The following HMGCLL1 variants were observed in gnomAD, a reference collection of about 807,000 sequenced individuals.
HMGCLL1 encodes the protein 3-hydroxy-3-methylglutaryl-CoA lyase like 1.
In HMGCLL1, 36 loss-of-function variants were observed where a neutral mutation model predicts 39.1. The observed-to-expected ratio is 0.92, with a 90% CI of 0.71 to 1.22. The LOEUF is 1.22. HMGCLL1 is among the 50% of genes most tolerant of loss of function. The pLI, the probability that HMGCLL1 is intolerant of heterozygous loss-of-function variation, is 0.00. For missense variants in HMGCLL1, 451 were observed against 416.5 expected (o/e 1.08, Z -0.72); for synonymous variants, 149 against 144.0 (o/e 1.03, Z -0.25).
chr6:55,525,079 T>C (rs1407009887), intron 3 of HMGCLL1, among the ~76,000 whole-genome samples: 1 of 151,754 alleles, frequency 6.6e-6, no homozygotes, highest in African/African-American at 2.4e-5. Context: ...CCCCAGCAAC[T>C]TCCATGACCT....
At chr6:55,479,186 C>A (rs1317855194) in intron 7 of HMGCLL1, among the ~76,000 whole-genome samples, 1 of 151,488 alleles carries the variant, frequency 6.6e-6, no homozygotes, top group Non-Finnish European at 1.5e-5. Flanking sequence ...ATACAAGGAC[C>A]ATTTACCATA....
rs535917702 is a variant in HMGCLL1 at position 55,435,533 on chromosome 6, A to G, written c.*129T>C. On this transcript the variant is annotated 3_prime_UTR_variant, in exon 9 of 9. Transcript: ENST00000274901. The stretch of plus-strand genomic sequence containing the variant: ...AATCTATCCAGTTATAATCTTTTTG[A>G]AAAGGATCTCTTTTTTCCCACTCTT... 3 of 473,010 alleles carry G rather than the reference A, an allele frequency of 6.3e-6. No homozygotes were observed. In the East Asian group the frequency reaches 9.4e-5, roughly 15 times the overall value. 29.3% of individuals were successfully genotyped at this position (473,010 alleles called of 1,614,324 possible). A position where few individuals can be genotyped will look rare whatever the true frequency, so the allele number is the denominator to read the frequency against.
At chr6:55,475,345 C>T (rs1052529172) in intron 7 of HMGCLL1, among the ~76,000 whole-genome samples, 4 of 151,572 alleles carry the variant, frequency 2.6e-5, no homozygotes, top group Admixed American at 6.6e-5. Flanking sequence ...ATTAGCGACC[C>T]CCTTAAAACT....
chr6:55,512,388 T>G (rs1169627456), intron 5 of HMGCLL1: 9 of 152,126 alleles, frequency 5.9e-5, no homozygotes, highest in Admixed American at 5.9e-4. Context: ...ATATTCGAAT[T>G]GAGAAACCAA....
intron 7 of HMGCLL1, among the ~76,000 whole-genome samples, chr6:55,471,822 C>A (rs1198481215): frequency 6.6e-6 from 1 of 151,618 alleles, no homozygotes; most frequent in African/African-American, 2.4e-5. Flanking sequence ...TGTTCTCATG[C>A]TGCTCTCACA....
At chr6:55,583,029 G>A (rs1269212763), upstream of HMGCLL1, among the ~76,000 whole-genome samples, 1 of 151,982 alleles carries the variant, frequency 6.6e-6, no homozygotes, top group African/African-American at 2.4e-5. Context: ...TGCCAAAACA[G>A]CATGACGGTG....
the HMGCLL1 span, among the ~76,000 whole-genome samples, chr6:55,632,766 T>A: frequency 1.3e-5 from 2 of 152,220 alleles, no homozygotes; most frequent in East Asian, 3.9e-4. Context: ...AAGGTTACCA[T>A]GCCTGGTAAG....
chr6:55,526,220 T>A lies in HMGCLL1; in HGVS notation c.298-9617A>T, dbSNP rs180951493. Among the ~76,000 whole-genome samples the A allele has an allele frequency of 2.6e-5, 4 of 152,144 alleles. No homozygotes were observed. The East Asian group carries it at 7.7e-4, about 29-fold the overall frequency. Reference sequence around the variant, plus strand: ...TTGCCTTTGATGATAGCAAAATGTCTGCAGCATTATGCCCACTATTTCAGG... The same window carrying A: ...TTGCCTTTGATGATAGCAAAATGTCAGCAGCATTATGCCCACTATTTCAGG... On this transcript the variant is annotated intron_variant, in intron 3 of 8. Coordinates refer to ENST00000274901, the MANE Select transcript of HMGCLL1 (RefSeq NM_001042406.2).
chr6:55,599,112 G>A, the HMGCLL1 span, among the ~76,000 whole-genome samples: 8 of 152,072 alleles, frequency 5.3e-5, no homozygotes, highest in African/African-American at 1.2e-4. Flanking sequence ...AGGGCCTGTC[G>A]GGGGTTGCGG....
chr6:55,563,229 G>A (rs1771041718), intron 1 of HMGCLL1, among the ~76,000 whole-genome samples: 1 of 152,080 alleles, frequency 6.6e-6, no homozygotes, highest in Non-Finnish European at 1.5e-5. Flanking sequence ...TGATAACTAA[G>A]AAATTATAAA....
the HMGCLL1 span, among the ~76,000 whole-genome samples, chr6:55,677,798 T>A: frequency 6.6e-6 from 1 of 152,298 alleles, no homozygotes; most frequent in South Asian, 2.1e-4. Flanking sequence ...CACAGTAACC[T>A]TTGCTTCAAA....
At chr6:55,560,366 T>G (rs1232766165) in intron 1 of HMGCLL1, among the ~76,000 whole-genome samples, 1 of 152,138 alleles carries the variant, frequency 6.6e-6, no homozygotes, top group East Asian at 1.9e-4. Context: ...TCACTGTCCT[T>G]TACTATTCCA....
At chr6:55,595,549 G>A in the HMGCLL1 span, among the ~76,000 whole-genome samples, 1 of 152,144 alleles carries the variant, frequency 6.6e-6, no homozygotes, top group Non-Finnish European at 1.5e-5. Flanking sequence ...TTCTACTAAT[G>A]TAAAAAATCT....
chr6:55,496,808 A>G (rs1766607291), intron 6 of HMGCLL1, among the ~76,000 whole-genome samples: 1 of 152,132 alleles, frequency 6.6e-6, no homozygotes, highest in African/African-American at 2.4e-5. Context: ...AAATCAAAAT[A>G]TGTGTTAATT....
intron 3 of HMGCLL1, among the ~76,000 whole-genome samples, chr6:55,539,113 A>C (rs1210035928): frequency 1.3e-5 from 2 of 152,212 alleles, no homozygotes; most frequent in Admixed American, 1.3e-4. Context: ...AAGAGGCAGG[A>C]CATGTAAATA....
At chr6:55,542,617 A>C (rs1769513373) in intron 1 of HMGCLL1, among the ~76,000 whole-genome samples, 1 of 151,506 alleles carries the variant, frequency 6.6e-6, no homozygotes, top group African/African-American at 2.4e-5. Flanking sequence ...GTCTCTACTA[A>C]AAATACAAGA....
At chr6:55,625,295 A>T in the HMGCLL1 span, among the ~76,000 whole-genome samples, 1 of 152,116 alleles carries the variant, frequency 6.6e-6, no homozygotes, top group Non-Finnish European at 1.5e-5. Context: ...TGGGTTGTGC[A>T]CAGCAGCATT....
the HMGCLL1 span, among the ~76,000 whole-genome samples, chr6:55,619,223 G>T: frequency 6.6e-6 from 1 of 152,010 alleles, no homozygotes; most frequent in Non-Finnish European, 1.5e-5. Context: ...TTCATGTTTG[G>T]TCTGTGCACT....
At chr6:55,618,054 A>T in the HMGCLL1 span, among the ~76,000 whole-genome samples, 1 of 152,084 alleles carries the variant, frequency 6.6e-6, no homozygotes, top group Non-Finnish European at 1.5e-5. Context: ...TAAAGACCAA[A>T]ATTTAGTCAA....
Sources: allele counts gnomAD v4.1 joint callset (sites outside exome capture counted in the v4.1 genomes callset), GRCh38; gene constraint gnomAD v4.1.1; transcripts MANE v1.5; gene names NCBI Gene and HGNC (gene_info 2026-07-23, HGNC 2026-07-21).